ABTB3: variants seen among roughly 807,000 people sequenced by gnomAD.
ABTB3 encodes ankyrin repeat- and BTB/POZ domain-containing protein 3.
chr12:107,441,154 C>A, the ABTB3 span, among the ~76,000 whole-genome samples: 1 of 152,078 alleles, frequency 6.6e-6, no homozygotes. Context: ...CGTGGCCACA[C>A]GCACGCACAT....
chr12:107,382,999 C>T, the ABTB3 span, among the ~76,000 whole-genome samples: 1 of 152,136 alleles, frequency 6.6e-6, no homozygotes, highest in African/African-American at 2.4e-5. Flanking sequence ...ATGGGCTTGT[C>T]GGTGCCCCTG....
chr12:107,393,941 CA>C, the ABTB3 span, among the ~76,000 whole-genome samples: 3 of 150,558 alleles, frequency 2.0e-5, no homozygotes, highest in East Asian at 2.0e-4. Context: ...AAAACAAAAA[CA>C]AAAAAAAAGA....
chr12:107,516,120 T>TG, the ABTB3 span, among the ~76,000 whole-genome samples: 1 of 151,946 alleles, frequency 6.6e-6, no homozygotes, highest in African/African-American at 2.4e-5. Flanking sequence ...CAAAAATATT[T>TG]GAAAAAAACA....
the ABTB3 span, among the ~76,000 whole-genome samples, chr12:107,444,807 G>T: frequency 6.6e-6 from 1 of 152,202 alleles, no homozygotes; most frequent in African/African-American, 2.4e-5. Context: ...TGTTTCTAAC[G>T]GGGCAGTTAA....
chr12:107,504,298 C>T, the ABTB3 span, among the ~76,000 whole-genome samples: 6 of 151,960 alleles, frequency 3.9e-5, no homozygotes, highest in African/African-American at 9.7e-5. Context: ...TATGCTTTTA[C>T]GTGCCATTAA....
At chr12:107,383,045 C>A in the ABTB3 span, among the ~76,000 whole-genome samples, 3 of 152,248 alleles carry the variant, frequency 2.0e-5, no homozygotes, top group East Asian at 1.9e-4. Flanking sequence ...CACCTTCGCC[C>A]TTCATTGCTT....
At chr12:107,631,950 G>A in the ABTB3 span, among the ~76,000 whole-genome samples, 13 of 152,194 alleles carry the variant, frequency 8.5e-5, no homozygotes, top group Admixed American at 4.6e-4. Flanking sequence ...AGCATGCACT[G>A]CCCTCACCTA....
the ABTB3 span, among the ~76,000 whole-genome samples, chr12:107,447,560 G>A: frequency 6.6e-6 from 1 of 152,188 alleles, no homozygotes; most frequent in Non-Finnish European, 1.5e-5. Flanking sequence ...GGGAGATGCA[G>A]GCAGTGAGAA....
At chr12:107,372,827 A>G in the ABTB3 span, among the ~76,000 whole-genome samples, 1 of 151,990 alleles carries the variant, frequency 6.6e-6, no homozygotes. Flanking sequence ...TTGACTTATT[A>G]TTATCTTTGT....
the ABTB3 span, among the ~76,000 whole-genome samples, chr12:107,489,858 G>A: frequency 6.6e-6 from 1 of 151,892 alleles, no homozygotes; most frequent in Non-Finnish European, 1.5e-5. Flanking sequence ...GAACTCCTGG[G>A]CTCAAGCGAC....
chr12:107,651,754 C>A, the ABTB3 span: 1 of 1,614,030 alleles, frequency 6.2e-7, no homozygotes, highest in African/African-American at 1.3e-5. Flanking sequence ...GCATCAATAC[C>A]GACAACTGTG....
chr12:107,358,987 C>T, the ABTB3 span, among the ~76,000 whole-genome samples: 24 of 152,226 alleles, frequency 1.6e-4, no homozygotes, highest in Non-Finnish European at 2.9e-4. Context: ...TGACTACCCC[C>T]GAAGAGTCTG....
the ABTB3 span, among the ~76,000 whole-genome samples, chr12:107,561,920 A>G: frequency 6.6e-6 from 1 of 151,794 alleles, no homozygotes; most frequent in African/African-American, 2.4e-5. Flanking sequence ...TTCCCAGCAC[A>G]CTCACTCCCT....
At chr12:107,360,183 G>T in the ABTB3 span, among the ~76,000 whole-genome samples, 1 of 152,196 alleles carries the variant, frequency 6.6e-6, no homozygotes, top group Admixed American at 6.5e-5. Flanking sequence ...AATATGCAAT[G>T]GGAATGAAGG....
At chr12:107,423,193 A>T in the ABTB3 span, among the ~76,000 whole-genome samples, 2 of 152,234 alleles carry the variant, frequency 1.3e-5, no homozygotes, top group Non-Finnish European at 1.5e-5. Flanking sequence ...TAATCAATGT[A>T]TACTACCTGA....
At chr12:107,475,194 C>T in the ABTB3 span, among the ~76,000 whole-genome samples, 1 of 152,194 alleles carries the variant, frequency 6.6e-6, no homozygotes, top group South Asian at 2.1e-4. Context: ...TTTTAAGGGA[C>T]AATATCTCCC....
chr12:107,602,605 G>A, the ABTB3 span, among the ~76,000 whole-genome samples: 19 of 152,182 alleles, frequency 1.2e-4, no homozygotes, highest in African/African-American at 4.6e-4. Context: ...AAGTGGTTAC[G>A]TAACTGGCCC....
At chr12:107,495,135 A>G in the ABTB3 span, among the ~76,000 whole-genome samples, 11 of 152,162 alleles carry the variant, frequency 7.2e-5, no homozygotes, top group African/African-American at 2.4e-4. Flanking sequence ...CAGTATCCTC[A>G]GGAACGCCAT....
the ABTB3 span, among the ~76,000 whole-genome samples, chr12:107,330,790 C>G: frequency 6.6e-6 from 1 of 152,200 alleles, no homozygotes; most frequent in Non-Finnish European, 1.5e-5. Context: ...GCTGTAATAT[C>G]TCCGGTTTTG....
Sources: gnomAD v4.1 joint callset for allele counts (sites outside exome capture counted in the v4.1 genomes callset) on GRCh38, gnomAD v4.1.1 for gene constraint, MANE v1.5 for transcripts, NCBI Gene and HGNC (gene_info 2026-07-23, HGNC 2026-07-21) for gene names.